The following DARS1 variants were observed in gnomAD, a reference collection of about 807,000 sequenced individuals.
DARS1 encodes the protein aspartate--tRNA ligase, cytoplasmic.
In DARS1, 51 loss-of-function variants were observed where a neutral mutation model predicts 68.8. The observed-to-expected ratio is 0.74, with a 90% CI of 0.59 to 0.94. The LOEUF (loss-of-function observed/expected upper bound fraction) is 0.94, where lower values mean the gene tolerates loss of function less well. Ranked by LOEUF, DARS1 falls within the 40% of genes least tolerant of loss-of-function variation. The pLI is 0.00. For synonymous variants in DARS1, 203 were observed against 190.4 expected, an observed-to-expected ratio of 1.07 and a Z score of -0.55; for missense variants, 607 against 597.3, an observed-to-expected ratio of 1.02 and a Z score of -0.17.
chr2:135,907,483 T>C (rs1159095740), intron 15 of DARS1, 76 bp from the exon 16 acceptor site: 1 of 945,086 alleles, frequency 1.1e-6, no homozygotes, highest in African/African-American at 1.7e-5. Context: ...CAAACATAAA[T>C]GTAATCGTTA....
intron 1 of DARS1, 145 bp downstream of exon 1, chr2:135,985,258 G>C (rs958339905): frequency 7.4e-7 from 1 of 1,355,074 alleles, no homozygotes; most frequent in Non-Finnish European, 9.8e-7. Context: ...TGGGGCAAGG[G>C]CTCTAGGCGC....
chr2:135,965,191 T>G (rs1457910209), intron 3 of DARS1, among the ~76,000 whole-genome samples: 1 of 152,032 alleles, frequency 6.6e-6, no homozygotes, highest in African/African-American at 2.4e-5. Flanking sequence ...TGGAACTGAA[T>G]ATTAAACTAT....
At chr2:135,963,209 T>A (rs553262997) in intron 3 of DARS1, among the ~76,000 whole-genome samples, 1 of 152,322 alleles carries the variant, frequency 6.6e-6, no homozygotes, top group South Asian at 2.1e-4. Context: ...TCCTATCACT[T>A]CCTATGAAGG....
chr2:135,964,194 A>T (rs1446731172), intron 3 of DARS1, among the ~76,000 whole-genome samples: 1 of 152,222 alleles, frequency 6.6e-6, no homozygotes, highest in South Asian at 2.1e-4. Context: ...TGTTTGTGTA[A>T]GAAGTATATT....
At chr2:135,912,368 ATGTC>A (rs1680914214) in intron 13 of DARS1, 114 bp downstream of exon 13, 2 of 510,936 alleles carry the variant, frequency 3.9e-6, no homozygotes, top group East Asian at 6.2e-5. Flanking sequence ...GGTAATACGT[ATGTC>A]TATCAAAACT....
intron 3 of DARS1, among the ~76,000 whole-genome samples, chr2:135,963,643 A>G (rs1682148560): frequency 6.7e-6 from 1 of 150,250 alleles, no homozygotes; most frequent in Non-Finnish European, 1.5e-5. Flanking sequence ...AAGTGCTGGG[A>G]TTACAGGTGT....
intron 4 of DARS1, among the ~76,000 whole-genome samples, chr2:135,950,806 T>C (rs1180997682): frequency 6.6e-6 from 1 of 152,160 alleles, no homozygotes; most frequent in Non-Finnish European, 1.5e-5. Context: ...TGTCATGCCA[T>C]GAACACACAG....
At chr2:135,914,533 AGT>A (rs775248911) in intron 11 of DARS1, 22 bp from the exon 12 acceptor site, 1 of 1,290,524 alleles carries the variant, frequency 7.7e-7, no homozygotes, top group African/African-American at 1.5e-5. Context: ...ACGTGAAATC[AGT>A]GTTTGAAGAT....
intron 5 of DARS1, among the ~76,000 whole-genome samples, chr2:135,938,546 G>A (rs1015569188): frequency 2.0e-5 from 3 of 152,280 alleles, no homozygotes; most frequent in East Asian, 1.9e-4. Context: ...GAGGAGCTGC[G>A]TTCCTTTGGA....
chr2:135,967,041 G>A (rs1057285224), intron 3 of DARS1, among the ~76,000 whole-genome samples: 8 of 152,176 alleles, frequency 5.3e-5, no homozygotes, highest in Admixed American at 1.3e-4. Context: ...GCTCCATTAT[G>A]GTGATGGCTC....
intron 4 of DARS1, among the ~76,000 whole-genome samples, chr2:135,960,591 C>G (rs1682077618): frequency 6.6e-6 from 1 of 152,096 alleles, no homozygotes; most frequent in Non-Finnish European, 1.5e-5. Flanking sequence ...AAAACACTTA[C>G]ACACTATGAA....
chr2:135,919,371 C>A (rs766596486), intron 10 of DARS1, among the ~76,000 whole-genome samples: 6 of 152,116 alleles, frequency 3.9e-5, no homozygotes, highest in East Asian at 1.9e-4. Flanking sequence ...CCCTGCAATG[C>A]AGTAAATAAA....
At chr2:135,908,324 T>A (rs1680829292) in intron 15 of DARS1, among the ~76,000 whole-genome samples, 1 of 152,160 alleles carries the variant, frequency 6.6e-6, no homozygotes, top group African/African-American at 2.4e-5. Flanking sequence ...ATCTGAACCA[T>A]TTTTAAGTGT....
chr2:135,965,872 A>C lies in DARS1; in HGVS notation c.218-4374T>G, dbSNP rs551567526. 3.9e-5 allele frequency among the ~76,000 whole-genome samples: 6 copies of C among 152,346 alleles called. No individual in the cohort carries two copies. In the East Asian group the frequency reaches 5.8e-4, roughly 15 times the overall value. ...TTTTAAAGGACTCAAACAAACAAACAAACCATCAGTACTGGCTCCCTGGTA... is the reference window on the plus strand; with the variant it reads ...TTTTAAAGGACTCAAACAAACAAACCAACCATCAGTACTGGCTCCCTGGTA... On this transcript the variant is annotated intron_variant, in intron 3 of 15. Transcript: ENST00000264161.
chr2:135,924,271 G>T, intron 8 of DARS1, 116 bp downstream of exon 8: 1 of 1,156,260 alleles, frequency 8.6e-7, no homozygotes, highest in Non-Finnish European at 1.2e-6. Flanking sequence ...TAGTCTCATG[G>T]CAATAAACCT....
rs1682297163 is a variant in DARS1, at chr2:135,968,794, T to C, written c.218-7296A>G. Among the ~76,000 whole-genome samples, 3 of 151,994 alleles carry C rather than the reference T, an allele frequency of 2.0e-5. No homozygotes were observed. In the South Asian group the frequency reaches 6.2e-4, roughly 31 times the overall value. ...CTCATGCCTCAGACTCCCAGGTAGC[T>C]GGGATTACAGGCGTGTGCCATGATG... On this transcript the variant is annotated intron_variant, in intron 3 of 15. Transcript: ENST00000264161.
intron 12 of DARS1, 53 bp downstream of exon 12, chr2:135,914,416 C>T (rs1680962342): frequency 1.1e-6 from 1 of 903,386 alleles, no homozygotes; most frequent in African/African-American, 1.6e-5. Flanking sequence ...GTTTTTAGTC[C>T]CAAGAGACAT....
At chr2:135,930,632 C>T (rs1420119467) in intron 7 of DARS1, among the ~76,000 whole-genome samples, 1 of 152,124 alleles carries the variant, frequency 6.6e-6, no homozygotes, top group Non-Finnish European at 1.5e-5. Context: ...ATTTTGTAGA[C>T]TAGCTATAGT....
At chr2:135,925,711 A>C (rs1395883901) in intron 7 of DARS1, among the ~76,000 whole-genome samples, 1 of 152,212 alleles carries the variant, frequency 6.6e-6, no homozygotes, top group Non-Finnish European at 1.5e-5. Context: ...CAAGATGTCT[A>C]CATTTAAACT....
Sources: gnomAD v4.1 joint callset for allele counts (sites outside exome capture counted in the v4.1 genomes callset) on GRCh38, gnomAD v4.1.1 for gene constraint, MANE v1.5 for transcripts, NCBI Gene and HGNC (gene_info 2026-07-23, HGNC 2026-07-21) for gene names.